Variants in FNDC7 observed in about 807,000 individuals in gnomAD.
FNDC7 encodes the protein fibronectin type III domain containing 7.
In FNDC7, 66 loss-of-function variants were observed where a neutral mutation model predicts 74.2. The ratio of observed to expected loss-of-function variants is 0.89; its 90% CI spans 0.73 to 1.09. FNDC7 has a LOEUF of 1.09. Among genes scored for constraint, FNDC7 ranks in the 50% least tolerant of loss-of-function variants. FNDC7 has a pLI of 0.00. For synonymous variants in FNDC7, 307 were observed against 330.2 expected, an observed-to-expected ratio of 0.93 and a Z score of 0.76; for missense variants, 829 against 893.4, an observed-to-expected ratio of 0.93 and a Z score of 0.92.
chr1:108,716,986 T>C (rs1660990455), intron 2 of FNDC7, among the ~76,000 whole-genome samples: 1 of 152,238 alleles, frequency 6.6e-6, no homozygotes, highest in Non-Finnish European at 1.5e-5. Flanking sequence ...TACTGTGCTG[T>C]ATCTCCTACT....
At chr1:108,729,628 A>G (rs1207330899) in intron 8 of FNDC7, among the ~76,000 whole-genome samples, 1 of 152,212 alleles carries the variant, frequency 6.6e-6, no homozygotes, top group Non-Finnish European at 1.5e-5. Context: ...GGTGGCTATG[A>G]GTATTAAGTT....
intron 7 of FNDC7, 147 bp from the exon 8 acceptor site, chr1:108,728,485 C>T (rs574370000): frequency 2.9e-5 from 24 of 826,828 alleles, no homozygotes; most frequent in Admixed American, 6.3e-5. Context: ...CAGTTCCCCA[C>T]GCATAGGCAC....
chr1:108,720,977 C>T (rs1661080247), intron 4 of FNDC7, among the ~76,000 whole-genome samples: 1 of 152,226 alleles, frequency 6.6e-6, no homozygotes, highest in Non-Finnish European at 1.5e-5. Context: ...TTCTCCCATG[C>T]TTCCTGTGGG....
chr1:108,727,019 G>T (rs1661233653), intron 6 of FNDC7, among the ~76,000 whole-genome samples: 1 of 151,962 alleles, frequency 6.6e-6, no homozygotes, highest in African/African-American at 2.4e-5. Flanking sequence ...GGTTCTTTAG[G>T]GTCTCTTAAG....
chr1:108,725,721 T>A (rs1337117019), intron 5 of FNDC7, 29 bp from the exon 6 acceptor site: 1 of 1,600,518 alleles, frequency 6.2e-7, no homozygotes, highest in Non-Finnish European at 8.5e-7. Context: ...CCTGCAGTAG[T>A]CTCATGTTTA....
At chr1:108,723,012 T>C (rs1189988172) in intron 5 of FNDC7, among the ~76,000 whole-genome samples, 8 of 152,226 alleles carry the variant, frequency 5.3e-5, no homozygotes, top group African/African-American at 1.9e-4. Context: ...TTTCTAGTTC[T>C]GAACATGCGT....
At position 108,717,785 on chromosome 1, in the gene FNDC7, A is replaced by G. The variant is rs1281918927; in HGVS notation, c.91A>G (p.Ile31Val). The G allele has an allele frequency of 6.4e-7, 1 of 1,551,704 alleles. No individual in the cohort carries two copies. The highest frequency in any genetic ancestry group is 2.4e-5 in the East Asian group (1 of 40,920). The change falls in exon 3 of 13, where the codon ATA (isoleucine) becomes GTA (valine). Residue 31 changes from isoleucine to valine, a missense_variant. By Grantham distance (29) the Ile-to-Val change is conservative. Coordinates refer to ENST00000370017, the MANE Select transcript of FNDC7 (RefSeq NM_001144937.3). ...TCTAAAACCTCTTTCAGCTCCTGAA[A>G]TACCCACTATTGATCAGGCATATTC... ...MVASAKSAPE[I>V]PTIDQAYSKL...
intron 5 of FNDC7, among the ~76,000 whole-genome samples, chr1:108,722,901 A>T (rs948201931): frequency 6.6e-6 from 1 of 152,144 alleles, no homozygotes; most frequent in South Asian, 2.1e-4. Context: ...TGAGTTGTAC[A>T]CAGCTCTAAC....
chr1:108,714,546 G>C (rs1660932731), intron 2 of FNDC7, among the ~76,000 whole-genome samples: 2 of 149,622 alleles, frequency 1.3e-5, no homozygotes, highest in Admixed American at 1.3e-4. Flanking sequence ...ATTCTTGAGA[G>C]ATCTTTAGGA....
intron 11 of FNDC7, among the ~76,000 whole-genome samples, chr1:108,740,318 CTTTTTTTTTT>C (rs567191029): frequency 2.9e-5 from 2 of 68,864 alleles, no homozygotes; most frequent in African/African-American, 1.2e-4. Flanking sequence ...GCTTTTCAAA[CTTTTTTTTTT>C]TTTTTTTTTT....
intron 2 of FNDC7, among the ~76,000 whole-genome samples, chr1:108,714,605 A>AT (rs71098692): frequency 0.13 from 13,552 of 101,620 alleles, 1,467 homozygotes; most frequent in Middle Eastern, 0.19. Flanking sequence ...ACAAAGTGGC[A>AT]TTTTTTTTTT....
intron 2 of FNDC7, among the ~76,000 whole-genome samples, chr1:108,716,548 C>G (rs1304238552): frequency 6.6e-6 from 1 of 152,042 alleles, no homozygotes; most frequent in Non-Finnish European, 1.5e-5. Context: ...AGAGACTATC[C>G]TGGGTGATGT....
chr1:108,712,942 T>G lies in FNDC7; in HGVS notation c.9T>G (p.Gly3=), dbSNP rs1660901616. ...GTACTATGTCCAACAGGATGGCTGG[T>G]GGACGAGAGACATGTTTGCCTTTGA... MA[G]GRETCLPLIG... The change falls in exon 1 of 13, where the codon GGT becomes GGG. Residue 3 remains glycine, a synonymous_variant. Coordinates refer to ENST00000370017, the MANE Select transcript of FNDC7 (RefSeq NM_001144937.3). 6.4e-7 allele frequency: 1 copy of G among 1,551,728 alleles called. No homozygotes were observed. The highest frequency in any genetic ancestry group is 1.4e-5 in the African/African-American group (1 of 73,178).
chr1:108,725,772 G>A lies in FNDC7; in HGVS notation c.879G>A (p.Val293=), dbSNP rs1286376651. The change falls in exon 6 of 13, where the codon GTG becomes GTA. Residue 293 remains valine, a synonymous_variant. Transcript: ENST00000370017. The stretch of plus-strand genomic sequence containing the variant: ...TAGTTGCTTGTGCACCCGGAAGAGT[G>A]ACGATCCAAGAAGATCCCCCTGGCC... ...LKTVACAPGR[V]TIQEDPPGHL... 1 of 1,614,098 alleles carries A rather than the reference G, an allele frequency of 6.2e-7. No individual in the cohort carries two copies. The highest frequency in any genetic ancestry group is 8.5e-7 in the Non-Finnish European group (1 of 1,179,982).
At chr1:108,713,729 C>T (rs529725438) in intron 2 of FNDC7, among the ~76,000 whole-genome samples, 200 bp downstream of exon 2, 89 of 152,240 alleles carry the variant, frequency 5.8e-4, no homozygotes, top group African/African-American at 2.1e-3. Context: ...GGATTGAACT[C>T]GAAAGACAAA....
intron 1 of FNDC7, among the ~76,000 whole-genome samples, 199 bp downstream of exon 1, chr1:108,713,195 A>G (rs1391680121): frequency 6.6e-6 from 1 of 152,202 alleles, no homozygotes; most frequent in Non-Finnish European, 1.5e-5. Flanking sequence ...GATTATCATT[A>G]TATTTTAAGA....
At chr1:108,717,278 TGA>T (rs1406654019) in intron 2 of FNDC7, among the ~76,000 whole-genome samples, 1 of 152,158 alleles carries the variant, frequency 6.6e-6, no homozygotes, top group African/African-American at 2.4e-5. Flanking sequence ...GCAAAGTGCA[TGA>T]GAGAGTGACC....
Position 108,718,880 on chromosome 1 carries a change from C to G in FNDC7, c.429C>G (p.Ser143=). The G allele has an allele frequency of 6.4e-7, 1 of 1,551,624 alleles. No homozygotes were observed. Among genetic ancestry groups the G allele is most frequent in the Non-Finnish European group, 8.7e-7 (1 of 1,146,996 alleles). The change falls in exon 4 of 13, where the codon TCC becomes TCG. Residue 143 remains serine, a synonymous_variant. Coordinates refer to ENST00000370017, the MANE Select transcript of FNDC7 (RefSeq NM_001144937.3). ...WEAVYMAIAF[S]VSIMRANGLG... ...CTGTATATATGGCAATTGCATTCTCCGTGTCCATTATGCGAGCCAATGGCT... is the reference window on the plus strand; with the variant it reads ...CTGTATATATGGCAATTGCATTCTCGGTGTCCATTATGCGAGCCAATGGCT...
At chr1:108,741,416 T>C (rs191320700) in intron 11 of FNDC7, among the ~76,000 whole-genome samples, 70 of 152,308 alleles carry the variant, frequency 4.6e-4, no homozygotes, top group African/African-American at 1.5e-3. Context: ...AACAGGTTTA[T>C]GTTTTCCATA....
Sources: gnomAD v4.1 joint callset for allele counts (sites outside exome capture counted in the v4.1 genomes callset) on GRCh38, gnomAD v4.1.1 for gene constraint, MANE v1.5 for transcripts, NCBI Gene and HGNC (gene_info 2026-07-23, HGNC 2026-07-21) for gene names.